Variants in DNAI7 observed in about 807,000 individuals in gnomAD.
The protein encoded by DNAI7 is cancer susceptibility 1.
DNAI7 carries 78 observed loss-of-function variants against 86.6 expected under a neutral mutation model. The ratio of observed to expected loss-of-function variants is 0.90; its 90% CI spans 0.75 to 1.09. The LOEUF is 1.09. Among genes scored for constraint, DNAI7 ranks in the 50% least tolerant of loss-of-function variants. The pLI, the probability that DNAI7 is intolerant of heterozygous loss-of-function variation, is 0.00. For synonymous variants in DNAI7, 274 were observed against 273.0 expected (o/e 1.00, Z -0.04); for missense variants, 753 against 810.2 (o/e 0.93, Z 0.86).
At chr12:25,134,852 A>G (rs1316222514) in intron 9 of DNAI7, among the ~76,000 whole-genome samples, 1 of 152,252 alleles carries the variant, frequency 6.6e-6, no homozygotes, top group African/African-American at 2.4e-5. Flanking sequence ...ACACTAATTG[A>G]TGACAAATAT....
chr12:25,178,821 A>G (rs1252197394), intron 2 of DNAI7, among the ~76,000 whole-genome samples: 1 of 152,078 alleles, frequency 6.6e-6, no homozygotes, highest in Admixed American at 6.6e-5. Flanking sequence ...CTTGAAGGAT[A>G]TGAGGTTACT....
chr12:25,119,194 C>A lies in DNAI7; in HGVS notation c.1347G>T (p.Glu449Asp). Residue 449 changes from glutamate to aspartate, a missense_variant, in exon 12 of 16, where the codon GAG becomes GAT. By Grantham distance (45) the Glu-to-Asp change is conservative. Coordinates refer to ENST00000395987, the MANE Select transcript of DNAI7 (RefSeq NM_018272.5). ...PPIEVTLEVH[E>D]NVIFFEDPVV... ...CAGGATCCTCAAAAAAGATTACATT[C>A]TCATGAACCTCAAGTGTGACCTCTA... The A allele has an allele frequency of 6.2e-7, 1 of 1,612,532 alleles. No individual in the cohort carries two copies. Among genetic ancestry groups the A allele is most frequent in the Non-Finnish European group, 8.5e-7 (1 of 1,179,450 alleles).
At chr12:25,179,750 A>T (rs1434295664) in intron 2 of DNAI7, among the ~76,000 whole-genome samples, 1 of 152,052 alleles carries the variant, frequency 6.6e-6, no homozygotes, top group Admixed American at 6.6e-5. Flanking sequence ...GATTAAAAAA[A>T]AAAACCCTCA....
chr12:25,183,938 G>C (rs1949795427), intron 2 of DNAI7, among the ~76,000 whole-genome samples: 2 of 151,924 alleles, frequency 1.3e-5, no homozygotes, highest in Admixed American at 6.6e-5. Flanking sequence ...CTCTCTACCA[G>C]TTGAGAAGTT....
At chr12:25,133,154 A>G in intron 9 of DNAI7, among the ~76,000 whole-genome samples, 1 of 143,982 alleles carries the variant, frequency 6.9e-6, no homozygotes, top group Admixed American at 6.9e-5. Context: ...TAAAACTGTG[A>G]TTTTTTTTTT....
rs767567465 is a variant in DNAI7, at chr12:25,123,288, T to C, written c.1003-2A>G. On this transcript the variant is annotated splice_acceptor_variant, in intron 9 of 15. Coordinates refer to ENST00000395987, the MANE Select transcript of DNAI7 (RefSeq NM_018272.5). LOFTEE classifies it high-confidence loss of function. The stretch of plus-strand genomic sequence containing the variant: ...TTCAGATTCTTCCTCAGCAGAACTC[T>C]ATAAAAAACCACAGACATATGGGTG... 1.3e-5 allele frequency: 21 copies of C among 1,599,682 alleles called. No individual in the cohort carries two copies. In the South Asian group the frequency reaches 2.4e-4, roughly 18 times the overall value.
intron 9 of DNAI7, among the ~76,000 whole-genome samples, chr12:25,128,305 G>T (rs536491314): frequency 1.8e-4 from 27 of 152,196 alleles, no homozygotes; most frequent in African/African-American, 6.5e-4. Context: ...TCTTGATAAG[G>T]AATTGAAAAT....
At chr12:25,178,569 C>G (rs1034067597) in intron 2 of DNAI7, among the ~76,000 whole-genome samples, 1 of 152,096 alleles carries the variant, frequency 6.6e-6, no homozygotes, top group African/African-American at 2.4e-5. Context: ...ACATGTGCCT[C>G]TTATTTGAGA....
At position 25,110,208 on chromosome 12, in the gene DNAI7, C is replaced by A. The variant is rs1166400460; in HGVS notation, c.1812G>T (p.Gln604His). 6.2e-7 allele frequency: 1 copy of A among 1,611,276 alleles called. No homozygotes were observed. The highest frequency in any genetic ancestry group is 1.7e-5 in the Admixed American group (1 of 60,018). Residue 604 changes from glutamine to histidine, a missense_variant, in exon 15 of 16, where the codon CAG (glutamine) becomes CAT (histidine). Coordinates refer to ENST00000395987, the MANE Select transcript of DNAI7 (RefSeq NM_018272.5). ...VPLVEVKAYR[Q>H]MALLSSAFAF... ...CAAAAGCAGAACTTAGTAGGGCCATCTGTCGATAAGCTTTCACTTCTACCA... is the reference window on the plus strand; with the variant it reads ...CAAAAGCAGAACTTAGTAGGGCCATATGTCGATAAGCTTTCACTTCTACCA...
intron 7 of DNAI7, among the ~76,000 whole-genome samples, chr12:25,147,560 G>C (rs543661277): frequency 1.3e-5 from 2 of 152,054 alleles, no homozygotes; most frequent in Non-Finnish European, 2.9e-5. Context: ...GAGGATCCTA[G>C]GTGGAAGTAT....
chr12:25,186,248 G>A (rs907748046), intron 2 of DNAI7, among the ~76,000 whole-genome samples: 12 of 152,054 alleles, frequency 7.9e-5, no homozygotes, highest in African/African-American at 2.7e-4. Flanking sequence ...CTTTTGCAAT[G>A]AACAATATTA....
Position 25,110,120 on chromosome 12 carries a change from A to G in DNAI7, c.1893+7T>C, listed in dbSNP as rs1241565256. 1 of 1,453,606 alleles carries G rather than the reference A, an allele frequency of 6.9e-7. No individual in the cohort carries two copies. The highest frequency in any genetic ancestry group is 1.1e-5 in the South Asian group (1 of 87,358). 90.0% of individuals were successfully genotyped at this position (1,453,606 alleles called of 1,614,324 possible). Reference sequence around the variant, plus strand: ...AAAGTAGTTTTATGGGTTTCTACATATCATACCTTAAATACGACTTTTGTA... The same window carrying G: ...AAAGTAGTTTTATGGGTTTCTACATGTCATACCTTAAATACGACTTTTGTA... On this transcript the variant is annotated splice_region_variant and intron_variant, in intron 15 of 15. Coordinates refer to ENST00000395987, the MANE Select transcript of DNAI7 (RefSeq NM_018272.5).
chr12:25,145,985 G>A (rs1412516147), intron 8 of DNAI7, among the ~76,000 whole-genome samples: 1 of 152,052 alleles, frequency 6.6e-6, no homozygotes, highest in Non-Finnish European at 1.5e-5. Flanking sequence ...CACTTTGGGA[G>A]GCCGAGATGT....
chr12:25,165,377 G>A (rs984885610), intron 2 of DNAI7, among the ~76,000 whole-genome samples: 1 of 152,166 alleles, frequency 6.6e-6, no homozygotes, highest in Non-Finnish European at 1.5e-5. Context: ...CTGAACTGCA[G>A]CTGCTGGGGT....
chr12:25,174,125 G>T (rs1204313391), intron 2 of DNAI7, among the ~76,000 whole-genome samples: 1 of 147,630 alleles, frequency 6.8e-6, no homozygotes, highest in African/African-American at 2.5e-5. Flanking sequence ...CCCACTTTTT[G>T]ATGGGTTTGT....
chr12:25,108,751 C>T lies in DNAI7; in HGVS notation c.1966G>A (p.Ala656Thr). The T allele has an allele frequency of 1.4e-6, 2 of 1,454,956 alleles. No individual in the cohort carries two copies. Among genetic ancestry groups the T allele is most frequent in the South Asian group, 1.1e-5 (1 of 88,832 alleles). 90.1% of individuals were successfully genotyped at this position (1,454,956 alleles called of 1,614,324 possible). The change falls in exon 16 of 16, where the codon GCA (alanine) becomes ACA (threonine). Residue 656 changes from alanine (A) to threonine (T), a missense_variant. Coordinates refer to ENST00000395987, the MANE Select transcript of DNAI7 (RefSeq NM_018272.5). The part of the protein sequence containing the change: ...WALLMFSGDR[A>T]QRLKIKEESE... ...TCTTCCTTGATCTTCAGTCTTTGTG[C>T]TCTGTCACCACTAAACATTAAAAGG...
At chr12:25,187,642 G>T (rs180752991) in intron 2 of DNAI7, among the ~76,000 whole-genome samples, 6 of 152,056 alleles carry the variant, frequency 3.9e-5, no homozygotes, top group African/African-American at 1.4e-4. Context: ...CAAAAAATAG[G>T]GCCAACATAA....
At chr12:25,165,974 C>T (rs1222382459) in intron 2 of DNAI7, among the ~76,000 whole-genome samples, 11 of 152,070 alleles carry the variant, frequency 7.2e-5, no homozygotes, top group Admixed American at 2.0e-4. Flanking sequence ...ACCTCAATGC[C>T]GCCTTTTCCC....
chr12:25,110,218 G>A lies in DNAI7; in HGVS notation c.1802C>T (p.Ala601Val). 1.2e-6 allele frequency: 2 copies of A among 1,607,808 alleles called. No homozygotes were observed. The highest frequency in any genetic ancestry group is 1.7e-4 in the Middle Eastern group (1 of 6,048). Residue 601 changes from alanine to valine, a missense_variant, in exon 15 of 16, where the codon GCT (alanine) becomes GTT (valine). Coordinates refer to ENST00000395987, the MANE Select transcript of DNAI7 (RefSeq NM_018272.5). ...ACTTAGTAGGGCCATCTGTCGATAA[G>A]CTTTCACTTCTACCAAAGGAACCTG... is the stretch of plus-strand genomic sequence containing the variant. ...NNKVPLVEVK[A>V]YRQMALLSSA...
Sources: gnomAD v4.1 joint callset for allele counts (sites outside exome capture counted in the v4.1 genomes callset) on GRCh38, gnomAD v4.1.1 for gene constraint, MANE v1.5 for transcripts, NCBI Gene and HGNC (gene_info 2026-07-23, HGNC 2026-07-21) for gene names.